The following FREM1 variants were observed in gnomAD, a reference collection of about 807,000 sequenced individuals.
FREM1 encodes the protein FRAS1-related extracellular matrix protein 1.
A neutral mutation model predicts 210.1 loss-of-function variants in FREM1; 220 were observed. The observed-to-expected ratio is 1.05, with a 90% CI of 0.94 to 1.17. FREM1 has a LOEUF of 1.17. Among genes scored for constraint, FREM1 ranks in the 50% most tolerant of loss-of-function variants. FREM1 has a pLI of 0.00. For synonymous variants in FREM1, 1,189 were observed against 980.2 expected (o/e 1.21, Z -3.98); for missense variants, 3,454 against 2,675.5 (o/e 1.29, Z -6.42).
Position 14,863,876 on chromosome 9 carries a change from C to T in FREM1, c.262G>A (p.Glu88Lys), listed in dbSNP as rs772215299. ...QVFDCHFLPN[E>K]VKYVHNGCPI... is the part of the protein sequence containing the mutation. ...CAACCATTGTGAACATACTTGACTT[C>T]GTTGGGAAGGAAATGGCAGTCAAAG... is the stretch of plus-strand genomic sequence containing the variant. Residue 88 changes from glutamate (E) to lysine (K), a missense_variant, in exon 3 of 37, where the codon GAA becomes AAA. By Grantham distance (56) the Glu-to-Lys change is moderately conservative (BLOSUM62 1). Coordinates refer to ENST00000380880, the MANE Select transcript of FREM1 (RefSeq NM_001379081.2). 35 of 1,612,346 alleles carry T rather than the reference C, an allele frequency of 2.2e-5. No individual in the cohort carries two copies. The highest frequency in any genetic ancestry group is 1.6e-4 in the Middle Eastern group (1 of 6,082).
Position 14,860,974 on chromosome 9 carries a change from CATATATACACATATATACAT to C in FREM1, c.330-1510_330-1491del, listed in dbSNP as rs1406557386. On this transcript the variant is annotated intron_variant, in intron 3 of 36. Transcript: ENST00000380880. Reference sequence around the variant, plus strand: ...ATATACACATATATACACATATATACATATATACACATATATACATATATATACACATATATACATATATA... The same window carrying C: ...ATATACACATATATACACATATATACATATATACACATATATACATATATA... Among the ~76,000 whole-genome samples, 7 of 111,436 alleles carry C rather than the reference CATATATACACATATATACAT, an allele frequency of 6.3e-5. 1 individual carries two copies. The highest frequency in any genetic ancestry group is 1.2e-4 in the Non-Finnish European group (7 of 57,820). 73.1% of individuals were successfully genotyped at this position (111,436 alleles called of 152,430 possible). A position where few individuals can be genotyped will look rare whatever the true frequency, so the allele number is the denominator to read the frequency against.
Position 14,779,373 on chromosome 9 carries a change from C to G in FREM1, c.4443-3170G>C, listed in dbSNP as rs1849271877. ...ATTGTAGAGCTATAGACATTGTGCA[C>G]TATTAAAAGTATGTCAAATATCAGC... is the stretch of plus-strand genomic sequence containing the variant. On this transcript the variant is annotated intron_variant, in intron 24 of 36. Transcript: ENST00000380880. 3 of 390,978 alleles carry G rather than the reference C, an allele frequency of 7.7e-6. No individual in the cohort carries two copies. In the South Asian group the frequency reaches 3.2e-4, roughly 42 times the overall value. 24.2% of individuals were successfully genotyped at this position (390,978 alleles called of 1,614,324 possible).
intron 3 of FREM1, among the ~76,000 whole-genome samples, chr9:14,860,727 A>ATGCACATATATATG (rs1461134170): frequency 1.2e-4 from 15 of 120,104 alleles, no homozygotes; most frequent in African/African-American, 4.7e-4. Flanking sequence ...ACACATATAT[A>ATGCACATATATATG]CACATATATA....
intron 35 of FREM1, among the ~76,000 whole-genome samples, chr9:14,744,245 A>G (rs566882429): frequency 3.9e-4 from 60 of 152,190 alleles, no homozygotes; most frequent in African/African-American, 1.4e-3. Flanking sequence ...GCTTTAAAAA[A>G]AATCTGGGTA....
chr9:14,855,270 G>C (rs143006642), intron 5 of FREM1, among the ~76,000 whole-genome samples: 1 of 152,096 alleles, frequency 6.6e-6, no homozygotes, highest in African/African-American at 2.4e-5. Context: ...ATATACAATA[G>C]AAGATCATCT....
chr9:14,762,493 T>A (rs1552894), intron 27 of FREM1, among the ~76,000 whole-genome samples: 14,676 of 152,204 alleles, frequency 0.096, 760 homozygotes, highest in East Asian at 0.15. Context: ...GCTGTTCAGC[T>A]TCAAGGTATA....
At chr9:14,810,562 C>T (rs1165989675) in intron 16 of FREM1, among the ~76,000 whole-genome samples, 1 of 152,188 alleles carries the variant, frequency 6.6e-6, no homozygotes, top group Admixed American at 6.5e-5. Flanking sequence ...AGCGATCCTC[C>T]TACCTCAGCC....
At chr9:14,859,641 C>A (rs1829441478) in intron 3 of FREM1, among the ~76,000 whole-genome samples, 157 bp from the exon 4 acceptor site, 1 of 152,160 alleles carries the variant, frequency 6.6e-6, no homozygotes, top group African/African-American at 2.4e-5. Flanking sequence ...CCTCTCTGTT[C>A]TTTTCCCTTC....
At chr9:14,869,759 C>T (rs79687892) in intron 1 of FREM1, among the ~76,000 whole-genome samples, 1 of 152,144 alleles carries the variant, frequency 6.6e-6, no homozygotes, top group South Asian at 2.1e-4. Context: ...CTTTGCTGGG[C>T]AATGAAGACA....
chr9:14,887,592 G>A (rs1053972203), intron 1 of FREM1, among the ~76,000 whole-genome samples: 1 of 152,108 alleles, frequency 6.6e-6, no homozygotes, highest in South Asian at 2.1e-4. Context: ...TTCTCAGACA[G>A]GGATAATAAA....
intron 10 of FREM1, among the ~76,000 whole-genome samples, chr9:14,833,156 G>A (rs890175188): frequency 6.6e-6 from 1 of 152,186 alleles, no homozygotes; most frequent in African/African-American, 2.4e-5. Flanking sequence ...GTCACTCTGG[G>A]TGGTGCCAGC....
intron 12 of FREM1, 62 bp from the exon 13 acceptor site, chr9:14,823,389 G>C: frequency 7.0e-7 from 1 of 1,434,060 alleles, no homozygotes; most frequent in South Asian, 1.4e-5. Context: ...AGCTTTTAGA[G>C]GTCCAAGAGA....
chr9:14,905,613 G>A (rs1817549972), intron 1 of FREM1, among the ~76,000 whole-genome samples: 1 of 152,118 alleles, frequency 6.6e-6, no homozygotes, highest in South Asian at 2.1e-4. Flanking sequence ...TGAGGGTCGG[G>A]GGCAGTGGCT....
intron 18 of FREM1, among the ~76,000 whole-genome samples, chr9:14,806,369 C>T (rs1318212833): frequency 6.6e-6 from 1 of 151,656 alleles, no homozygotes; most frequent in African/African-American, 2.4e-5. Flanking sequence ...AATTCTCCTG[C>T]CTCAGCCTCC....
At chr9:14,819,662 C>T (rs1337858909) in intron 13 of FREM1, among the ~76,000 whole-genome samples, 1 of 152,250 alleles carries the variant, frequency 6.6e-6, no homozygotes, top group South Asian at 2.1e-4. Flanking sequence ...GGAAACAAGG[C>T]AGATCTCTAA....
chr9:14,773,227 C>T (rs930528706), intron 25 of FREM1, among the ~76,000 whole-genome samples: 5 of 152,164 alleles, frequency 3.3e-5, no homozygotes, highest in African/African-American at 1.2e-4. Flanking sequence ...CAGGTTGCAT[C>T]AGTTGCAATA....
chr9:14,845,365 C>T (rs909343784), intron 8 of FREM1, among the ~76,000 whole-genome samples: 1 of 151,904 alleles, frequency 6.6e-6, no homozygotes, highest in Non-Finnish European at 1.5e-5. Context: ...AGTGCAGTGG[C>T]GTGATCTTGG....
At chr9:14,794,364 T>G (rs189552033) in intron 21 of FREM1, among the ~76,000 whole-genome samples, 2 of 152,244 alleles carry the variant, frequency 1.3e-5, no homozygotes, top group East Asian at 3.9e-4. Context: ...AGCTGGAGCA[T>G]TTATCTTATC....
chr9:14,889,219 G>C (rs1441240774), intron 1 of FREM1, among the ~76,000 whole-genome samples: 1 of 152,136 alleles, frequency 6.6e-6, no homozygotes. Context: ...TGAAGGGTGA[G>C]AACTTACTCT....
Sources: allele counts gnomAD v4.1 joint callset (sites outside exome capture counted in the v4.1 genomes callset), GRCh38; gene constraint gnomAD v4.1.1; transcripts MANE v1.5; gene names NCBI Gene and HGNC (gene_info 2026-07-23, HGNC 2026-07-21).